The following PBX3 variants were observed in gnomAD, a reference collection of about 807,000 sequenced individuals.
PBX3 encodes the protein PBX homeobox 3.
In PBX3, 14 loss-of-function variants were observed where a neutral mutation model predicts 48.5. That is an observed-to-expected ratio of 0.29 (90% CI 0.19 to 0.45). PBX3 has a LOEUF of 0.45. PBX3 is among the 20% of genes least tolerant of loss of function. The pLI, the probability that PBX3 is intolerant of heterozygous loss-of-function variation, is 1.00. For missense variants in PBX3, 386 were observed against 546.7 expected, an observed-to-expected ratio of 0.71 and a Z score of 2.93; for synonymous variants, 210 against 200.3, an observed-to-expected ratio of 1.05 and a Z score of -0.41.
At chr9:125,916,177 G>A (rs1371630225) in intron 3 of PBX3, among the ~76,000 whole-genome samples, 1 of 152,192 alleles carries the variant, frequency 6.6e-6, no homozygotes, top group Non-Finnish European at 1.5e-5. Context: ...ACATTCACGT[G>A]CCCTTATTAC....
chr9:125,877,552 T>G (rs1405077971), intron 2 of PBX3, among the ~76,000 whole-genome samples: 1 of 152,206 alleles, frequency 6.6e-6, no homozygotes, highest in African/African-American at 2.4e-5. Flanking sequence ...TTTCTCAGTT[T>G]TCTCTTTACT....
chr9:125,780,969 G>A (rs1291319878), intron 2 of PBX3, among the ~76,000 whole-genome samples: 8 of 112,202 alleles, frequency 7.1e-5, no homozygotes, highest in African/African-American at 1.2e-4. Flanking sequence ...GGTTGCGGCC[G>A]GGCAGAGGCG....
intron 3 of PBX3, among the ~76,000 whole-genome samples, chr9:125,922,001 T>C (rs936777009): frequency 5.9e-5 from 9 of 152,174 alleles, no homozygotes; most frequent in African/African-American, 2.2e-4. Context: ...GCCCACTGTC[T>C]ACTTTGCAGT....
intron 2 of PBX3, among the ~76,000 whole-genome samples, chr9:125,770,505 G>A (rs1019400357): frequency 2.0e-5 from 3 of 152,104 alleles, no homozygotes; most frequent in Admixed American, 1.3e-4. Flanking sequence ...TACTTTAGAA[G>A]GAAGGAATAC....
chr9:125,892,784 T>C (rs1175485739), intron 2 of PBX3, among the ~76,000 whole-genome samples: 2 of 152,192 alleles, frequency 1.3e-5, no homozygotes, highest in African/African-American at 4.8e-5. Flanking sequence ...GCATCAAGTG[T>C]CGCTGAAAGA....
At chr9:125,780,417 C>G (rs1837233421) in intron 2 of PBX3, among the ~76,000 whole-genome samples, 1 of 10,924 alleles carries the variant, frequency 9.2e-5, no homozygotes, top group Non-Finnish European at 1.7e-4. Flanking sequence ...GGGGGGCTGA[C>G]CCCCCCCCCA....
chr9:125,895,032 T>G (rs916263946), intron 2 of PBX3, among the ~76,000 whole-genome samples: 1 of 152,080 alleles, frequency 6.6e-6, no homozygotes, highest in Admixed American at 6.6e-5. Flanking sequence ...TTTGGGTAGG[T>G]GTCAGTCTCC....
intron 5 of PBX3, among the ~76,000 whole-genome samples, chr9:125,946,605 T>A (rs1338554792): frequency 6.6e-6 from 1 of 152,122 alleles, no homozygotes; most frequent in Non-Finnish European, 1.5e-5. Flanking sequence ...AAAAGCAGAT[T>A]AGACATTGCT....
chr9:125,747,389 G>A lies in PBX3; in HGVS notation c.-65G>A, dbSNP rs1331629376. On this transcript the variant is annotated 5_prime_UTR_variant, in exon 1 of 9. Transcript: ENST00000373489. ...CTCTTTCTTCTCCTCCCTCGTCGCC[G>A]CCGCCGCCGCCGCCGCCTCAGCCTT... The A allele has an allele frequency of 1.3e-5, 9 of 694,776 alleles. No homozygotes were observed. In the Admixed American group the frequency reaches 2.7e-4, roughly 21 times the overall value. 43.0% of individuals were successfully genotyped at this position (694,776 alleles called of 1,614,324 possible). A position where few individuals can be genotyped will look rare whatever the true frequency, so the allele number is the denominator to read the frequency against.
intron 2 of PBX3, among the ~76,000 whole-genome samples, chr9:125,861,689 A>G (rs1839866257): frequency 6.6e-6 from 1 of 152,230 alleles, no homozygotes; most frequent in Non-Finnish European, 1.5e-5. Flanking sequence ...CCTTGCCAAC[A>G]TTTTGTCAAG....
At chr9:125,780,601 G>A (rs1396570982) in intron 2 of PBX3, among the ~76,000 whole-genome samples, 22 of 122,260 alleles carry the variant, frequency 1.8e-4, no homozygotes, top group Non-Finnish European at 1.9e-4. Context: ...GGGCAGAGGC[G>A]CCCCTCACCT....
At chr9:125,867,752 C>A (rs200301118) in intron 2 of PBX3, among the ~76,000 whole-genome samples, 1,863 of 140,362 alleles carry the variant, frequency 0.013, 31 homozygotes, top group South Asian at 0.045. Context: ...CTCTCTCTCT[C>A]TATATATATA....
chr9:125,950,999 G>C (rs1171906117), intron 5 of PBX3, among the ~76,000 whole-genome samples: 1 of 152,142 alleles, frequency 6.6e-6, no homozygotes, highest in African/African-American at 2.4e-5. Context: ...AGTTTTATCA[G>C]GTAAGACATA....
intron 2 of PBX3, among the ~76,000 whole-genome samples, chr9:125,779,303 C>T (rs990172983): frequency 7.5e-6 from 1 of 132,500 alleles, no homozygotes; most frequent in Non-Finnish European, 1.6e-5. Context: ...GTGTTTCTCG[C>T]AGAGGGGGAT....
chr9:125,765,181 A>T (rs187049518), intron 2 of PBX3, among the ~76,000 whole-genome samples: 5 of 147,366 alleles, frequency 3.4e-5, no homozygotes, highest in Non-Finnish European at 7.5e-5. Context: ...AGGGTGTCTC[A>T]CTTTGTTGCC....
intron 2 of PBX3, among the ~76,000 whole-genome samples, chr9:125,879,069 A>G (rs528047364): frequency 5.6e-5 from 8 of 143,950 alleles, no homozygotes; most frequent in Non-Finnish European, 1.0e-4. Context: ...TTACAAAGAC[A>G]TGCTATTCTT....
chr9:125,850,501 A>T (rs1482503664), intron 2 of PBX3, among the ~76,000 whole-genome samples: 1 of 152,052 alleles, frequency 6.6e-6, no homozygotes, highest in African/African-American at 2.4e-5. Context: ...ATTAATTTTC[A>T]GTGTTTCCTA....
chr9:125,776,752 C>A (rs1422225902), intron 2 of PBX3, among the ~76,000 whole-genome samples: 1 of 151,932 alleles, frequency 6.6e-6, no homozygotes, highest in African/African-American at 2.4e-5. Context: ...CCATGTTCCC[C>A]AGGCTGGTCT....
chr9:125,868,320 T>TA (rs1310776754), intron 2 of PBX3, among the ~76,000 whole-genome samples: 9 of 152,220 alleles, frequency 5.9e-5, no homozygotes, highest in Non-Finnish European at 1.3e-4. Context: ...CCAGAGATGT[T>TA]ACATTGATTT....
Sources: allele counts gnomAD v4.1 joint callset (sites outside exome capture counted in the v4.1 genomes callset), GRCh38; gene constraint gnomAD v4.1.1; transcripts MANE v1.5; gene names NCBI Gene and HGNC (gene_info 2026-07-23, HGNC 2026-07-21).